Variants in KIF26B observed in about 807,000 individuals in gnomAD.
KIF26B encodes the protein kinesin-like protein KIF26B.
A neutral mutation model predicts 151.2 loss-of-function variants in KIF26B; 63 were observed. The ratio of observed to expected loss-of-function variants is 0.42; its 90% CI spans 0.34 to 0.51. KIF26B has a LOEUF of 0.51. KIF26B is among the 20% of genes least tolerant of loss of function. KIF26B has a pLI of 0.07. For missense variants in KIF26B, 2,813 were observed against 2,913.6 expected (o/e 0.97, Z 0.79); for synonymous variants, 1,357 against 1,262.1 (o/e 1.08, Z -1.59).
intron 2 of KIF26B, among the ~76,000 whole-genome samples, chr1:245,258,401 C>A (rs759142262): frequency 6.6e-6 from 1 of 152,076 alleles, no homozygotes; most frequent in Non-Finnish European, 1.5e-5. Flanking sequence ...CCCTGGGGAC[C>A]CAAAGCAGGA....
At position 245,589,380 on chromosome 1, in the gene KIF26B, A is replaced by T. The variant is rs559519497; in HGVS notation, c.1351-13197A>T. 1.7e-4 allele frequency among the ~76,000 whole-genome samples: 26 copies of T among 152,188 alleles called. No individual in the cohort carries two copies. The South Asian group carries it at 4.8e-3, about 28-fold the overall frequency. Reference sequence around the variant, plus strand: ...TGGCAAGGCCTTTATGATGAACTGAATGCGGTCTGTATTTACGTGCCTGCC... The same window carrying T: ...TGGCAAGGCCTTTATGATGAACTGATTGCGGTCTGTATTTACGTGCCTGCC... On this transcript the variant is annotated intron_variant, in intron 5 of 14. Coordinates refer to ENST00000407071, the MANE Select transcript of KIF26B (RefSeq NM_018012.4).
Position 245,560,027 on chromosome 1 carries a change from T to G in KIF26B, c.1350+19077T>G, listed in dbSNP as rs1186165909. On this transcript the variant is annotated intron_variant, in intron 5 of 14. Transcript: ENST00000407071. The surrounding 1 kb of genome is among the most constrained non-coding windows in gnomAD (Gnocchi z 4.3). The stretch of plus-strand genomic sequence containing the variant: ...CCAGGGATGCTCGTCTCTCATTCGT[T>G]TTTTTGGCGTGGAAACACGCTGCTC... 4.6e-5 allele frequency among the ~76,000 whole-genome samples: 7 copies of G among 152,124 alleles called. No individual in the cohort carries two copies. Among genetic ancestry groups the G allele is most frequent in the Non-Finnish European group, 7.4e-5 (5 of 68,016 alleles).
chr1:245,666,127 A>G (rs1223464398), intron 10 of KIF26B, among the ~76,000 whole-genome samples: 1 of 149,412 alleles, frequency 6.7e-6, no homozygotes, highest in Non-Finnish European at 1.5e-5. Flanking sequence ...CAGCCTCCCA[A>G]GTGGCTGGGA....
intron 5 of KIF26B, among the ~76,000 whole-genome samples, chr1:245,562,790 C>T (rs1241612678): frequency 6.6e-6 from 1 of 152,102 alleles, no homozygotes; most frequent in African/African-American, 2.4e-5. Flanking sequence ...TTACTGCAGC[C>T]TCAAACTCCG....
chr1:245,545,479 C>T lies in KIF26B; in HGVS notation c.1350+4529C>T, dbSNP rs962120209. On this transcript the variant is annotated intron_variant, in intron 5 of 14. Coordinates refer to ENST00000407071, the MANE Select transcript of KIF26B (RefSeq NM_018012.4). ...GTAGGCTTAGGTTTGAAATAATGGA[C>T]AAGGCAGAGCACCTGTCCTTAAGGT... Among the ~76,000 whole-genome samples the T allele has an allele frequency of 1.8e-4, 27 of 152,180 alleles. 2 individuals are homozygous for T.
At chr1:245,413,784 G>C (rs1007914458) in intron 3 of KIF26B, among the ~76,000 whole-genome samples, 1 of 152,258 alleles carries the variant, frequency 6.6e-6, no homozygotes. Context: ...GGGCAGCCTC[G>C]AGTTAGGAAG....
intron 9 of KIF26B, among the ~76,000 whole-genome samples, chr1:245,623,752 ATGAAT>A (rs958730361): frequency 2.6e-5 from 4 of 152,366 alleles, no homozygotes; most frequent in Admixed American, 2.6e-4. Context: ...TGAAACATAA[ATGAAT>A]TTAATGTTTA....
intron 9 of KIF26B, among the ~76,000 whole-genome samples, chr1:245,640,159 A>ATATATATATATATATATATATATATG (rs1168172493): frequency 6.1e-4 from 21 of 34,376 alleles, no homozygotes; most frequent in Admixed American, 2.6e-3. Context: ...ATATATATAT[A>ATATATATATATATATATATATATATG]TACCCTGCTA....
chr1:245,361,364 C>T (rs12063249), intron 2 of KIF26B, among the ~76,000 whole-genome samples: 5,410 of 152,312 alleles, frequency 0.036, 330 homozygotes, highest in African/African-American at 0.12. Context: ...AAACTGCGGT[C>T]TGACATTTAA....
intron 3 of KIF26B, among the ~76,000 whole-genome samples, chr1:245,401,621 C>A (rs959825572): frequency 6.6e-6 from 1 of 152,208 alleles, no homozygotes; most frequent in Non-Finnish European, 1.5e-5. Context: ...GTAATCCCAG[C>A]AGTTTGGGAG....
intron 4 of KIF26B, among the ~76,000 whole-genome samples, chr1:245,476,624 C>T (rs1209717059): frequency 6.6e-6 from 1 of 151,562 alleles, no homozygotes; most frequent in Non-Finnish European, 1.5e-5. Flanking sequence ...CAGCCTTGAC[C>T]TCCCGGGCTC....
rs1006438921 is a variant in KIF26B, at chr1:245,318,463, A to G, written c.466-48371A>G. On this transcript the variant is annotated intron_variant, in intron 2 of 14. Transcript: ENST00000407071. The surrounding 1 kb of genome is among the most constrained non-coding windows in gnomAD (Gnocchi z 4.0). ...CTGAGGGGCTTCTTTGCCCTGAGGA[A>G]TATACAAGTTGATAGGGCTACTTGC... is the stretch of plus-strand genomic sequence containing the variant. 6.6e-6 allele frequency among the ~76,000 whole-genome samples: 1 copy of G among 152,198 alleles called. No individual in the cohort carries two copies. The highest frequency in any genetic ancestry group is 1.5e-5 in the Non-Finnish European group (1 of 68,040).
At chr1:245,366,290 T>C (rs955400449) in intron 2 of KIF26B, among the ~76,000 whole-genome samples, 7 of 152,134 alleles carry the variant, frequency 4.6e-5, no homozygotes, top group African/African-American at 1.7e-4. Context: ...CCCAGCACTT[T>C]GGGAGGCCGA....
intron 5 of KIF26B, among the ~76,000 whole-genome samples, chr1:245,573,798 GT>G: frequency 6.6e-6 from 1 of 152,258 alleles, no homozygotes; most frequent in South Asian, 2.1e-4. Flanking sequence ...TGTATGTGCT[GT>G]TTTTCTGATC....
chr1:245,196,203 T>C (rs1225588195), intron 2 of KIF26B, among the ~76,000 whole-genome samples: 1 of 152,172 alleles, frequency 6.6e-6, no homozygotes, highest in East Asian at 1.9e-4. Context: ...AGATATAAGA[T>C]GTATAGTCTT....
chr1:245,612,085 TGTGTGTGTGTGTGTGTGTGTGAGA>T (rs2043530847), intron 9 of KIF26B, 109 bp downstream of exon 9: 2 of 708,552 alleles, frequency 2.8e-6, no homozygotes, highest in African/African-American at 1.8e-5. Flanking sequence ...TGTGTGTGTG[TGTGTGTGTGTGTGTGTGTGTGAGA>T]GAGAGAGAGA....
In KIF26B at chr1:245,403,518, C is replaced by T. The variant is rs1018713520; in HGVS notation, c.1000-16061C>T. Among the ~76,000 whole-genome samples, 6 of 152,214 alleles carry T rather than the reference C, an allele frequency of 3.9e-5. No individual in the cohort carries two copies. In the South Asian group the frequency reaches 6.2e-4, roughly 16 times the overall value. On this transcript the variant is annotated intron_variant, in intron 3 of 14. Transcript: ENST00000407071. ...GAAAAACACTGCTTGAGCCTCGTCC[C>T]TTTTGGAAGAGCAGTTCTGGGGTGT...
intron 2 of KIF26B, among the ~76,000 whole-genome samples, chr1:245,190,634 G>T (rs74153114): frequency 0.18 from 18,705 of 105,300 alleles, 1,860 homozygotes; most frequent in African/African-American, 0.29. Flanking sequence ...TGAATGTTTT[G>T]TTTTGTTTTT....
intron 4 of KIF26B, among the ~76,000 whole-genome samples, chr1:245,450,832 A>G (rs893663428): frequency 1.3e-5 from 2 of 152,224 alleles, no homozygotes; most frequent in African/African-American, 4.8e-5. Flanking sequence ...ATGGAAAACA[A>G]TGTGAAATGT....
Sources: allele counts gnomAD v4.1 joint callset (sites outside exome capture counted in the v4.1 genomes callset), GRCh38; gene constraint gnomAD v4.1.1; non-coding constraint Gnocchi (gnomAD v3.1); transcripts MANE v1.5; gene names NCBI Gene and HGNC (gene_info 2026-07-23, HGNC 2026-07-21).